KDM4B: variants seen among roughly 807,000 people sequenced by gnomAD.
KDM4B encodes lysine demethylase 4B, also known as lysine-specific demethylase 4B.
In KDM4B, 32 loss-of-function variants were observed where a neutral mutation model predicts 125.2. The observed-to-expected ratio is 0.26, with a 90% CI of 0.19 to 0.34. The LOEUF is 0.34. Among genes scored for constraint, KDM4B ranks in the 10% least tolerant of loss-of-function variants. The probability of loss-of-function intolerance (pLI) is 1.00; values close to 1 mark genes in which losing one functional copy is unlikely to be tolerated. For missense variants in KDM4B, 1,190 were observed against 1,577.7 expected, an observed-to-expected ratio of 0.75 and a Z score of 4.16; for synonymous variants, 721 against 677.9, an observed-to-expected ratio of 1.06 and a Z score of -0.99.
chr19:4,999,877 G>T (rs183285570), intron 1 of KDM4B, among the ~76,000 whole-genome samples: 711 of 33,140 alleles, frequency 0.021, 7 homozygotes, highest in African/African-American at 0.075. Flanking sequence ...ATCCACCCAC[G>T]CATCCACCCA....
At chr19:5,136,095 C>T (rs746114370) in intron 15 of KDM4B, among the ~76,000 whole-genome samples, 1 of 152,246 alleles carries the variant, frequency 6.6e-6, no homozygotes, top group Admixed American at 6.5e-5. Flanking sequence ...GACCTTGGCC[C>T]AGGCAGGGTT....
At chr19:4,993,672 G>A (rs1021435936) in intron 1 of KDM4B, among the ~76,000 whole-genome samples, 4 of 151,096 alleles carry the variant, frequency 2.6e-5, no homozygotes, top group South Asian at 2.1e-4. Flanking sequence ...GTGCAGTGTT[G>A]CGATCATGGC....
At chr19:4,990,359 G>T (rs1471845820) in intron 1 of KDM4B, among the ~76,000 whole-genome samples, 1 of 152,210 alleles carries the variant, frequency 6.6e-6, no homozygotes, top group African/African-American at 2.4e-5. Flanking sequence ...CAGGGACTTA[G>T]AAAGGGAGAC....
intron 6 of KDM4B, among the ~76,000 whole-genome samples, chr19:5,066,384 C>T (rs946400844): frequency 4.1e-5 from 6 of 147,586 alleles, no homozygotes; most frequent in East Asian, 2.1e-4. Context: ...TCCTTGTTGG[C>T]GCCTCACATG....
At chr19:5,040,680 T>C (rs568665248) in intron 4 of KDM4B, among the ~76,000 whole-genome samples, 1 of 152,042 alleles carries the variant, frequency 6.6e-6, no homozygotes, top group East Asian at 1.9e-4. Flanking sequence ...CCTCTCTGTC[T>C]GTGGCCTCCA....
At chr19:5,077,722 T>C (rs567558316) in intron 8 of KDM4B, 1 of 473,450 alleles carries the variant, frequency 2.1e-6, no homozygotes, top group Admixed American at 3.8e-5. Context: ...AACTTCCTCC[T>C]GGGTGTGGCC....
In KDM4B at chr19:5,119,786, G is replaced by A. The variant is rs2039326459; in HGVS notation, c.1249G>A (p.Asp417Asn). 1.3e-6 allele frequency: 2 copies of A among 1,544,066 alleles called. No homozygotes were observed. The highest frequency in any genetic ancestry group is 1.2e-5 in the South Asian group (1 of 83,116). ...SVKEEAGPEVDPEEEEEEPQP... is the reference protein window; with the variant it reads ...SVKEEAGPEVNPEEEEEEPQP... ...GAAGGAGGAGGCTGGGCCGGAGGTT[G>A]ACCCCGAGGAGGAGGAGGAGGAGCC... The change falls in exon 11 of 23, where the codon GAC becomes AAC. Residue 417 changes from aspartate (D) to asparagine (N), a missense_variant. This residue lies in a region of KDM4B where 428 missense variants were observed against 405.1 expected (regional missense o/e 1.06). Transcript: ENST00000159111.
At chr19:5,110,891 C>T in intron 10 of KDM4B, 73 bp downstream of exon 10, 1 of 1,274,010 alleles carries the variant, frequency 7.8e-7, no homozygotes, top group Non-Finnish European at 1.1e-6. Flanking sequence ...GCCCAGGCCC[C>T]TTCCCACTGG....
At chr19:4,985,047 G>A (rs1166548639) in intron 1 of KDM4B, among the ~76,000 whole-genome samples, 1 of 152,180 alleles carries the variant, frequency 6.6e-6, no homozygotes, top group East Asian at 1.9e-4. Flanking sequence ...GACAGGCTGG[G>A]CACGGTGGCT....
chr19:5,130,048 C>A (rs1433687694), intron 11 of KDM4B, among the ~76,000 whole-genome samples: 1 of 152,216 alleles, frequency 6.6e-6, no homozygotes, highest in Non-Finnish European at 1.5e-5. Flanking sequence ...CATCTAGAGG[C>A]CCCTGCATCC....
chr19:5,079,677 C>T (rs1040137266), intron 8 of KDM4B, among the ~76,000 whole-genome samples: 7 of 152,206 alleles, frequency 4.6e-5, no homozygotes, highest in African/African-American at 1.2e-4. Context: ...AAAGCCTTTC[C>T]GAAGCCGGCT....
chr19:5,027,935 A>G (rs1294155627), intron 2 of KDM4B, among the ~76,000 whole-genome samples: 3 of 152,152 alleles, frequency 2.0e-5, no homozygotes, highest in Admixed American at 2.0e-4. Flanking sequence ...AGTTTTCAGT[A>G]TATTCAAAAA....
intron 11 of KDM4B, among the ~76,000 whole-genome samples, chr19:5,127,511 T>TG (rs2039469493): frequency 6.6e-6 from 1 of 152,226 alleles, no homozygotes; most frequent in South Asian, 2.1e-4. Context: ...GTGCGGGCTA[T>TG]GCGTGGAGTG....
intron 13 of KDM4B, among the ~76,000 whole-genome samples, chr19:5,132,905 C>G (rs1490724798): frequency 6.6e-6 from 1 of 152,188 alleles, no homozygotes; most frequent in Non-Finnish European, 1.5e-5. Flanking sequence ...GCGGTACTGT[C>G]TGGTTTGGGT....
At chr19:5,047,723 G>T in intron 6 of KDM4B, 54 bp downstream of exon 6, 1 of 1,566,934 alleles carries the variant, frequency 6.4e-7, no homozygotes, top group South Asian at 1.1e-5. Flanking sequence ...CCTCGGGAGG[G>T]AGTCAATCCC....
chr19:5,058,199 G>A (rs2037470028), intron 6 of KDM4B, among the ~76,000 whole-genome samples: 1 of 151,992 alleles, frequency 6.6e-6, no homozygotes, highest in African/African-American at 2.4e-5. Flanking sequence ...CAGCCAACAG[G>A]GTCTTGAGGT....
At chr19:5,076,146 A>C in intron 7 of KDM4B, 1 of 86,222 alleles carries the variant, frequency 1.2e-5, no homozygotes, top group Non-Finnish European at 2.2e-5. Flanking sequence ...GAGTGACGAG[A>C]GCGGCCACAC....
At chr19:5,013,989 C>T (rs2035811531) in intron 1 of KDM4B, among the ~76,000 whole-genome samples, 1 of 152,226 alleles carries the variant, frequency 6.6e-6, no homozygotes, top group Non-Finnish European at 1.5e-5. Context: ...CGTGGCCCGG[C>T]AGTCCAGGAC....
At chr19:5,000,145 T>C (rs1336711725) in intron 1 of KDM4B, among the ~76,000 whole-genome samples, 8 of 111,852 alleles carry the variant, frequency 7.2e-5, no homozygotes, top group African/African-American at 2.8e-4. Context: ...TATCCACCCA[T>C]TTACTCACCT....
Sources: allele counts gnomAD v4.1 joint callset (sites outside exome capture counted in the v4.1 genomes callset), GRCh38; gene constraint gnomAD v4.1.1; regional missense constraint gnomAD v4.1.1; transcripts MANE v1.5; gene names NCBI Gene and HGNC (gene_info 2026-07-23, HGNC 2026-07-21).